The following GRB10 variants were observed in gnomAD, a reference collection of about 807,000 sequenced individuals.
The protein encoded by GRB10 is growth factor receptor bound protein 10.
A neutral mutation model predicts 80.9 loss-of-function variants in GRB10; 20 were observed. The ratio of observed to expected loss-of-function variants is 0.25; its 90% CI spans 0.17 to 0.36. The LOEUF is 0.36. GRB10 is among the 10% of genes least tolerant of loss of function. GRB10 has a pLI of 1.00. For missense variants in GRB10, 548 were observed against 747.7 expected (o/e 0.73, Z 3.12); for synonymous variants, 291 against 291.5 (o/e 1.00, Z 0.02).
At chr7:50,753,080 G>A (rs1303535558) in intron 3 of GRB10, among the ~76,000 whole-genome samples, 1 of 152,196 alleles carries the variant, frequency 6.6e-6, no homozygotes, top group Non-Finnish European at 1.5e-5. Flanking sequence ...GTTGCCCTGA[G>A]GCCCAGCTGA....
chr7:50,623,617 C>A (rs569038330), intron 8 of GRB10, among the ~76,000 whole-genome samples: 1 of 152,214 alleles, frequency 6.6e-6, no homozygotes, highest in Non-Finnish European at 1.5e-5. Flanking sequence ...CAGACACCCA[C>A]GCATGGTGCT....
At chr7:50,676,654 G>C (rs182756071) in intron 5 of GRB10, among the ~76,000 whole-genome samples, 1 of 152,194 alleles carries the variant, frequency 6.6e-6, no homozygotes, top group East Asian at 1.9e-4. Flanking sequence ...TTGTTTTAAA[G>C]GGCTCCCCTC....
intron 5 of GRB10, among the ~76,000 whole-genome samples, chr7:50,684,267 C>CAAAAAAAAAAAA (rs386410128): frequency 3.2e-5 from 2 of 62,296 alleles, no homozygotes; most frequent in South Asian, 8.6e-4. Context: ...CAATCATCAC[C>CAAAAAAAAAAAA]AAAAAAAAAA....
intron 17 of GRB10, among the ~76,000 whole-genome samples, chr7:50,602,138 T>C (rs201194227): frequency 1.1e-5 from 1 of 88,454 alleles, no homozygotes; most frequent in African/African-American, 2.9e-5. Context: ...AATTGACAAG[T>C]AAAGGGGAAA....
intron 4 of GRB10, among the ~76,000 whole-genome samples, chr7:50,719,753 G>A (rs2067425938): frequency 1.3e-5 from 2 of 151,972 alleles, no homozygotes; most frequent in African/African-American, 4.8e-5. Context: ...CTTTCTCCAT[G>A]AAATAAATGC....
At chr7:50,725,651 G>A (rs753279646) in intron 4 of GRB10, among the ~76,000 whole-genome samples, 2 of 152,172 alleles carry the variant, frequency 1.3e-5, no homozygotes, top group Admixed American at 6.5e-5. Context: ...TACTAACATT[G>A]AACTTTCATG....
chr7:50,728,838 T>C (rs2069115681), intron 4 of GRB10, among the ~76,000 whole-genome samples: 1 of 152,062 alleles, frequency 6.6e-6, no homozygotes, highest in Non-Finnish European at 1.5e-5. Flanking sequence ...GCCTGACTAA[T>C]TTTTGTATTT....
chr7:50,608,349 C>A (rs984689832), intron 13 of GRB10, among the ~76,000 whole-genome samples: 1 of 152,172 alleles, frequency 6.6e-6, no homozygotes, highest in African/African-American at 2.4e-5. Context: ...GCTAACCTTG[C>A]ATCCTATAAC....
chr7:50,779,445 T>C (rs1364218587), intron 2 of GRB10: 3 of 152,320 alleles, frequency 2.0e-5, no homozygotes, highest in East Asian at 1.9e-4. Flanking sequence ...AGAAAATAAA[T>C]AAGCAAAATA....
chr7:50,793,035 G>T (rs1165859563), intron 1 of GRB10: 1 of 142,688 alleles, frequency 7.0e-6, no homozygotes, highest in Non-Finnish European at 1.6e-5. Context: ...CGGGCCCGGG[G>T]CGCCGGAGCC....
At chr7:50,680,521 T>C (rs995482052) in intron 5 of GRB10, among the ~76,000 whole-genome samples, 4 of 152,254 alleles carry the variant, frequency 2.6e-5, no homozygotes, top group Admixed American at 2.0e-4. Context: ...CCTATGCTAA[T>C]GGGCAGTGGC....
chr7:50,700,953 T>C (rs2529403), intron 5 of GRB10, among the ~76,000 whole-genome samples: 2,148 of 152,372 alleles, frequency 0.014, 41 homozygotes, highest in African/African-American at 0.049. Context: ...TATGTGTGTC[T>C]ATTAACTTGA....
chr7:50,626,878 T>C lies in GRB10; in HGVS notation c.605A>G (p.His202Arg). ...TGTCCAGCTGTTGTCATCCACACAGTGACTTTTGTAAACCAGCAATTGGCA... is the reference window on the plus strand; with the variant it reads ...TGTCCAGCTGTTGTCATCCACACAGCGACTTTTGTAAACCAGCAATTGGCA... ...DLCQLLVYKS[H>R]CVDDNSWTLV... The change falls in exon 8 of 19, where the codon CAC becomes CGC. Residue 202 changes from histidine (H) to arginine (R), a missense_variant. His to Arg is a conservative substitution (Grantham distance 29). This residue lies in a region of GRB10 where 270 missense variants were observed against 433.6 expected (regional missense o/e 0.62). Transcript: ENST00000401949. 1 of 1,614,164 alleles carries C rather than the reference T, an allele frequency of 6.2e-7. No homozygotes were observed. Among genetic ancestry groups the C allele is most frequent in the South Asian group, 1.1e-5 (1 of 91,084 alleles).
intron 3 of GRB10, among the ~76,000 whole-genome samples, chr7:50,751,274 T>C (rs1224955092): frequency 1.3e-5 from 2 of 152,142 alleles, no homozygotes; most frequent in Non-Finnish European, 1.5e-5. Flanking sequence ...ACTGCTTTCC[T>C]AGAAGCCTAG....
At chr7:50,766,347 A>T (rs1216701652) in intron 2 of GRB10, among the ~76,000 whole-genome samples, 1 of 152,192 alleles carries the variant, frequency 6.6e-6, no homozygotes, top group African/African-American at 2.4e-5. Context: ...ATGAATATTA[A>T]CTGCACAGGC....
intron 7 of GRB10, among the ~76,000 whole-genome samples, chr7:50,651,325 T>A (rs780609286): frequency 4.6e-5 from 7 of 152,194 alleles, no homozygotes; most frequent in Non-Finnish European, 8.8e-5. Flanking sequence ...AGAACCCACT[T>A]CTGGCCTCTC....
intron 3 of GRB10, among the ~76,000 whole-genome samples, chr7:50,748,610 T>C (rs1306122991): frequency 6.6e-6 from 1 of 152,186 alleles, no homozygotes; most frequent in East Asian, 1.9e-4. Context: ...CTGACTTCCA[T>C]TTTCCTTCTC....
chr7:50,792,664 C>T (rs1354433367), intron 1 of GRB10: 2 of 391,676 alleles, frequency 5.1e-6, no homozygotes, highest in East Asian at 3.6e-5. Context: ...AAAGGTCCTC[C>T]GTACGAGGCT....
intron 8 of GRB10, among the ~76,000 whole-genome samples, chr7:50,626,161 G>A (rs10486757): frequency 0.088 from 13,462 of 152,162 alleles, 869 homozygotes; most frequent in South Asian, 0.12. Flanking sequence ...ACCTCAATAC[G>A]TTCTGTAAAG....
Sources: allele counts gnomAD v4.1 joint callset (sites outside exome capture counted in the v4.1 genomes callset), GRCh38; gene constraint gnomAD v4.1.1; regional missense constraint gnomAD v4.1.1; transcripts MANE v1.5; gene names NCBI Gene and HGNC (gene_info 2026-07-23, HGNC 2026-07-21).